ANO2: variants seen among roughly 807,000 people sequenced by gnomAD.
ANO2 encodes the protein anoctamin-2.
Under a neutral mutation model 124.2 loss-of-function variants are expected in ANO2, and 101 were observed. The ratio of observed to expected loss-of-function variants is 0.81; its 90% CI spans 0.69 to 0.96. The LOEUF (loss-of-function observed/expected upper bound fraction) is 0.96, where lower values mean the gene tolerates loss of function less well. Ranked by LOEUF, ANO2 falls within the 40% of genes least tolerant of loss-of-function variation. The pLI, the probability that ANO2 is intolerant of heterozygous loss-of-function variation, is 0.00. For missense variants in ANO2, 1,293 were observed against 1,274.5 expected (o/e 1.01, Z -0.22); for synonymous variants, 486 against 482.5 (o/e 1.01, Z -0.09).
intron 16 of ANO2, among the ~76,000 whole-genome samples, chr12:5,619,296 T>C (rs1944991413): frequency 6.6e-6 from 1 of 152,236 alleles, no homozygotes; most frequent in Non-Finnish European, 1.5e-5. Flanking sequence ...GGAAATACCG[T>C]ATTTGGTAAA....
intron 14 of ANO2, among the ~76,000 whole-genome samples, chr12:5,676,819 C>T (rs1001336225): frequency 1.3e-5 from 2 of 152,062 alleles, no homozygotes; most frequent in African/African-American, 2.4e-5. Flanking sequence ...TTTGGGAGGC[C>T]GAGCCAGGCA....
At chr12:5,663,985 T>G (rs1263123397) in intron 14 of ANO2, among the ~76,000 whole-genome samples, 1 of 152,192 alleles carries the variant, frequency 6.6e-6, no homozygotes, top group Non-Finnish European at 1.5e-5. Context: ...ACAGTTACAG[T>G]GCAGTGGAGT....
chr12:5,906,810 T>C (rs901890997), intron 3 of ANO2, among the ~76,000 whole-genome samples: 12 of 150,876 alleles, frequency 8.0e-5, no homozygotes, highest in Non-Finnish European at 1.5e-5. Context: ...AATAAATAAA[T>C]AAATAAATAA....
At chr12:5,614,931 A>G (rs1403795528) in intron 17 of ANO2, among the ~76,000 whole-genome samples, 2 of 152,212 alleles carry the variant, frequency 1.3e-5, no homozygotes, top group African/African-American at 4.8e-5. Context: ...AGAGACACAA[A>G]TTCTTTCAAA....
At chr12:5,847,854 CAT>C (rs769463383) in intron 4 of ANO2, among the ~76,000 whole-genome samples, 4 of 152,210 alleles carry the variant, frequency 2.6e-5, no homozygotes, top group Non-Finnish European at 5.9e-5. Flanking sequence ...ATAGCAATTA[CAT>C]ATGTTTTCTC....
Position 5,908,387 on chromosome 12 carries a change from T to C in ANO2, c.534+12653A>G, listed in dbSNP as rs1940833177. Among the ~76,000 whole-genome samples the C allele has an allele frequency of 6.6e-6, 1 of 152,092 alleles. No individual in the cohort carries two copies. The highest frequency in any genetic ancestry group is 2.4e-5 in the African/African-American group (1 of 41,386). ...CTCAGCCCTTACCACCTGAGAATAA[T>C]CAATTCCTGAGTGGAAACTCAACAA... is the stretch of plus-strand genomic sequence containing the variant. On this transcript the variant is annotated intron_variant, in intron 3 of 24. Coordinates refer to ENST00000682330, the MANE Select transcript of ANO2 (RefSeq NM_001364791.2). This position sits in a 1 kb window ranked among gnomAD's most constrained non-coding sequence, Gnocchi z 4.7.
chr12:5,910,908 T>G (rs2064133154), intron 3 of ANO2, among the ~76,000 whole-genome samples: 1 of 152,144 alleles, frequency 6.6e-6, no homozygotes, highest in South Asian at 2.1e-4. Flanking sequence ...CCTTTCACAC[T>G]TGCACAGTCC....
At chr12:5,642,484 C>T (rs903605167) in intron 15 of ANO2, among the ~76,000 whole-genome samples, 1 of 152,146 alleles carries the variant, frequency 6.6e-6, no homozygotes, top group African/African-American at 2.4e-5. Flanking sequence ...TTTCAGTCCA[C>T]CTTCAAAATA....
At position 5,663,163 on chromosome 12, in the gene ANO2, C is replaced by A. The variant is rs393180; in HGVS notation, c.1546-15362G>T. ...TGGGCCCAGTGCTCTCCGTGTCCAG[C>A]AGCCTGCCCTGTCCTGCTAGGCTGA... is the stretch of plus-strand genomic sequence containing the variant. On this transcript the variant is annotated intron_variant, in intron 14 of 24. Coordinates refer to ENST00000682330, the MANE Select transcript of ANO2 (RefSeq NM_001364791.2). 2.0e-5 allele frequency among the ~76,000 whole-genome samples: 3 copies of A among 152,330 alleles called. No individual in the cohort carries two copies. The East Asian group carries it at 5.8e-4, about 30-fold the overall frequency.
intron 14 of ANO2, among the ~76,000 whole-genome samples, chr12:5,656,849 ACT>A (rs1947185701): frequency 6.6e-6 from 1 of 152,216 alleles, no homozygotes; most frequent in South Asian, 2.1e-4. Context: ...ATTAGAATTC[ACT>A]GAGGCCAGTG....
chr12:5,886,198 T>C (rs1190736540), intron 3 of ANO2, among the ~76,000 whole-genome samples: 1 of 152,128 alleles, frequency 6.6e-6, no homozygotes, highest in Non-Finnish European at 1.5e-5. Flanking sequence ...TAAAGCAGCA[T>C]GGTTCACAAT....
chr12:5,755,418 T>A (rs1288678801), intron 10 of ANO2, among the ~76,000 whole-genome samples: 1 of 151,200 alleles, frequency 6.6e-6, no homozygotes, highest in Non-Finnish European at 1.5e-5. Context: ...TTTATATTTT[T>A]ATTATACTTT....
chr12:5,570,236 T>G (rs985032697), intron 23 of ANO2, among the ~76,000 whole-genome samples: 2 of 152,104 alleles, frequency 1.3e-5, no homozygotes, highest in Non-Finnish European at 2.9e-5. Flanking sequence ...AACAAACCCA[T>G]GAAACAATAC....
intron 10 of ANO2, among the ~76,000 whole-genome samples, chr12:5,775,677 G>A (rs1371279839): frequency 1.3e-5 from 2 of 152,000 alleles, no homozygotes; most frequent in Non-Finnish European, 2.9e-5. Context: ...TAGCCAGGAT[G>A]GTCTCGATCT....
At chr12:5,645,151 T>C (rs1946566144) in intron 15 of ANO2, among the ~76,000 whole-genome samples, 1 of 152,256 alleles carries the variant, frequency 6.6e-6, no homozygotes, top group African/African-American at 2.4e-5. Flanking sequence ...CATTACCTGT[T>C]CTCTTTCAAC....
chr12:5,569,070 C>A (rs115204108), intron 23 of ANO2, among the ~76,000 whole-genome samples: 2,828 of 152,358 alleles, frequency 0.019, 88 homozygotes, highest in African/African-American at 0.063. Context: ...TCCAGTTCCT[C>A]CTAGCTTTCC....
intron 21 of ANO2, 81 bp downstream of exon 21, chr12:5,578,284 TC>T (rs1942536631): frequency 1.3e-6 from 2 of 1,526,942 alleles, no homozygotes; most frequent in African/African-American, 2.8e-5. Context: ...CCCTCTTGAT[TC>T]CTGGTGTGGT....
intron 7 of ANO2, 173 bp downstream of exon 7, chr12:5,827,596 C>A (rs66831021): frequency 0.035 from 25,006 of 724,656 alleles, 577 homozygotes; most frequent in Non-Finnish European, 0.045. Flanking sequence ...AGAAATGGGA[C>A]CCCCGCTGCT....
chr12:5,801,193 C>T (rs553863747), intron 9 of ANO2, among the ~76,000 whole-genome samples: 1 of 152,248 alleles, frequency 6.6e-6, no homozygotes, highest in African/African-American at 2.4e-5. Context: ...AGGGGCAAAA[C>T]CAAACACATC....
Sources: allele counts gnomAD v4.1 joint callset (sites outside exome capture counted in the v4.1 genomes callset), GRCh38; gene constraint gnomAD v4.1.1; non-coding constraint Gnocchi (gnomAD v3.1); transcripts MANE v1.5; gene names NCBI Gene and HGNC (gene_info 2026-07-23, HGNC 2026-07-21).